SOX6: variants seen among roughly 807,000 people sequenced by gnomAD.
SOX6 encodes SRY-box transcription factor 6.
SOX6 carries 11 observed loss-of-function variants against 97.8 expected under a neutral mutation model. The observed-to-expected ratio is 0.11, with a 90% CI of 0.07 to 0.19. SOX6 has a LOEUF of 0.19. Among genes scored for constraint, SOX6 ranks in the 10% least tolerant of loss-of-function variants. The pLI is 1.00. For synonymous variants in SOX6, 360 were observed against 371.4 expected (o/e 0.97, Z 0.35); for missense variants, 810 against 1,039.5 (o/e 0.78, Z 3.04).
chr11:16,320,492 T>C (rs538063208), intron 2 of SOX6, among the ~76,000 whole-genome samples: 2 of 152,168 alleles, frequency 1.3e-5, no homozygotes, highest in South Asian at 4.2e-4. Context: ...ATTTTCAGGG[T>C]TATTGAAAGC....
chr11:16,364,314 G>T (rs1857290143), intron 1 of SOX6, among the ~76,000 whole-genome samples: 1 of 151,992 alleles, frequency 6.6e-6, no homozygotes, highest in Non-Finnish European at 1.5e-5. Flanking sequence ...ATTCCAATTA[G>T]GTTTTTCCAA....
chr11:16,228,956 TA>T (rs904748668), intron 4 of SOX6, among the ~76,000 whole-genome samples: 1 of 152,132 alleles, frequency 6.6e-6, no homozygotes, highest in African/African-American at 2.4e-5. Context: ...GTTTTTTAAG[TA>T]AAATCTAAAA....
chr11:16,110,655 T>C (rs911246449), intron 7 of SOX6, among the ~76,000 whole-genome samples: 5 of 152,154 alleles, frequency 3.3e-5, no homozygotes, highest in Admixed American at 3.3e-4. Flanking sequence ...CCTTGAATCA[T>C]TCGTGTTTTG....
chr11:16,226,443 G>A (rs1590044748), intron 4 of SOX6, among the ~76,000 whole-genome samples: 1 of 151,932 alleles, frequency 6.6e-6, no homozygotes. Context: ...CATTGCCCAG[G>A]GAGGCACCTT....
chr11:16,140,951 A>C (rs565545683), intron 6 of SOX6, among the ~76,000 whole-genome samples: 2 of 152,284 alleles, frequency 1.3e-5, no homozygotes, highest in Admixed American at 1.3e-4. Flanking sequence ...AGGCCAAGGC[A>C]TGCAGACCAC....
intron 1 of SOX6, among the ~76,000 whole-genome samples, chr11:16,374,256 C>A (rs1051903721): frequency 2.0e-5 from 3 of 151,884 alleles, no homozygotes; most frequent in African/African-American, 7.2e-5. Context: ...AATAAGGAAA[C>A]CTGTAAAACC....
chr11:16,388,057 A>G (rs1001403760), intron 1 of SOX6, among the ~76,000 whole-genome samples: 2 of 152,154 alleles, frequency 1.3e-5, no homozygotes, highest in African/African-American at 2.4e-5. Flanking sequence ...ACCATCAAAT[A>G]TGATGTTAGT....
At chr11:16,501,549 G>A (rs974262712) in intron 4 of SOX6, among the ~76,000 whole-genome samples, 2 of 151,908 alleles carry the variant, frequency 1.3e-5, no homozygotes, top group South Asian at 2.1e-4. Context: ...GAAAATTTTT[G>A]CAATCTACTC....
At chr11:16,105,690 T>C (rs974838757) in intron 7 of SOX6, among the ~76,000 whole-genome samples, 119 of 152,282 alleles carry the variant, frequency 7.8e-4, no homozygotes, top group African/African-American at 2.7e-3. Context: ...TTCAGTCTTG[T>C]AGTGGAAGTG....
rs555593008 is a variant in SOX6 at position 16,641,527 on chromosome 11, T to C, written n.430-29267A>G. ...GGGGTGTTAAAGTCTCTCGTTATTA[T>C]TGTGTGGGAGTCTAAGTCTCTTTAT... On this transcript the variant is annotated intron_variant and non_coding_transcript_variant, in intron 3 of 5. Coordinates refer to the SOX6 transcript ENST00000524520. Among the ~76,000 whole-genome samples, 10 of 152,256 alleles carry C rather than the reference T, an allele frequency of 6.6e-5. No individual in the cohort carries two copies. The South Asian group carries it at 1.2e-3, about 19-fold the overall frequency.
intron 3 of SOX6, among the ~76,000 whole-genome samples, chr11:16,614,671 C>T (rs540593796): frequency 2.4e-3 from 362 of 152,242 alleles, no homozygotes; most frequent in Non-Finnish European, 4.1e-3. Flanking sequence ...CGCGGTTGTT[C>T]TTTGTTACTC....
At chr11:16,108,073 T>C (rs1389090869) in intron 7 of SOX6, among the ~76,000 whole-genome samples, 2 of 152,180 alleles carry the variant, frequency 1.3e-5, no homozygotes, top group Non-Finnish European at 2.9e-5. Flanking sequence ...TCGTGACACA[T>C]TTCTTAGATG....
At chr11:16,717,166 A>T (rs1848225154) in intron 2 of SOX6, among the ~76,000 whole-genome samples, 1 of 152,142 alleles carries the variant, frequency 6.6e-6, no homozygotes, top group African/African-American at 2.4e-5. Flanking sequence ...TGAGTTTTTT[A>T]AATGTGGTTT....
At chr11:16,589,074 A>T (rs1216249046) in intron 4 of SOX6, among the ~76,000 whole-genome samples, 1 of 152,158 alleles carries the variant, frequency 6.6e-6, no homozygotes, top group East Asian at 1.9e-4. Flanking sequence ...CTGAACCTCA[A>T]CACTGATCAA....
chr11:16,697,605 A>G (rs1269552066), intron 3 of SOX6, among the ~76,000 whole-genome samples: 2 of 152,206 alleles, frequency 1.3e-5, no homozygotes, highest in African/African-American at 4.8e-5. Flanking sequence ...GTGAGACTCT[A>G]TCTCAAAAAA....
In SOX6 at chr11:15,986,436, G is replaced by T; in HGVS notation, c.1967-16C>A. 1 of 1,613,066 alleles carries T rather than the reference G, an allele frequency of 6.2e-7. No homozygotes were observed. The highest frequency in any genetic ancestry group is 8.5e-7 in the Non-Finnish European group (1 of 1,179,282). The stretch of plus-strand genomic sequence containing the variant: ...CAGCGAGATCCTAGAAATAAAAATA[G>T]CCTTAAGTACCCAAGTGGTCAAGGC... On this transcript the variant is annotated splice_polypyrimidine_tract_variant and intron_variant, in intron 14 of 15. Transcript: ENST00000683767.
chr11:16,132,464 G>GAA (rs71044086), intron 6 of SOX6, among the ~76,000 whole-genome samples: 1 of 138,186 alleles, frequency 7.2e-6, no homozygotes, highest in Non-Finnish European at 1.6e-5. Context: ...AAGAAAGAAA[G>GAA]AAAGAAAGAA....
intron 4 of SOX6, among the ~76,000 whole-genome samples, chr11:16,514,449 C>G (rs976350861): frequency 1.5e-4 from 23 of 152,048 alleles, no homozygotes; most frequent in Admixed American, 1.4e-3. Flanking sequence ...TATTAGCTAA[C>G]TGTGTAACCT....
chr11:16,186,750 C>T (rs1851488731), intron 5 of SOX6, 33 bp downstream of exon 5: 1 of 1,610,664 alleles, frequency 6.2e-7, no homozygotes. Flanking sequence ...CATTCCACAT[C>T]TCCAGTTCGT....
Sources: gnomAD v4.1 joint callset for allele counts (sites outside exome capture counted in the v4.1 genomes callset) on GRCh38, gnomAD v4.1.1 for gene constraint, MANE v1.5 for transcripts, NCBI Gene and HGNC (gene_info 2026-07-23, HGNC 2026-07-21) for gene names.